The following ALG14 variants were observed in gnomAD, a reference collection of about 807,000 sequenced individuals.
The protein encoded by ALG14 is ALG14 UDP-N-acetylglucosaminyltransferase subunit.
ALG14 carries 17 observed loss-of-function variants against 22.8 expected under a neutral mutation model. The ratio of observed to expected loss-of-function variants is 0.75; its 90% confidence interval spans 0.51 to 1.12. The LOEUF is 1.12. Ranked by LOEUF, ALG14 falls within the 50% of genes most tolerant of loss-of-function variation. The probability of loss-of-function intolerance (pLI) is 0.00; values close to 1 mark genes in which losing one functional copy is unlikely to be tolerated. For synonymous variants in ALG14, 89 were observed against 103.7 expected, an observed-to-expected ratio of 0.86 and a Z score of 0.86; for missense variants, 288 against 271.8, an observed-to-expected ratio of 1.06 and a Z score of -0.42.
chr1:95,054,457 A>G (rs1382535301), intron 2 of ALG14, among the ~76,000 whole-genome samples: 1 of 144,882 alleles, frequency 6.9e-6, no homozygotes, highest in Non-Finnish European at 1.5e-5. Flanking sequence ...AAAAGCTGCT[A>G]TGCTTCTTGT....
intron 3 of ALG14, among the ~76,000 whole-genome samples, chr1:95,004,329 C>G (rs753046319): frequency 9.4e-5 from 14 of 148,344 alleles, no homozygotes; most frequent in Non-Finnish European, 1.8e-4. Context: ...TCACGTGATT[C>G]TCATGACTCA....
Position 95,038,902 on chromosome 1 carries a change from T to C in ALG14, c.289-11642A>G, listed in dbSNP as rs1674293319. Among the ~76,000 whole-genome samples, 3 of 152,082 alleles carry C rather than the reference T, an allele frequency of 2.0e-5. 1 individual carries two copies. In the South Asian group the frequency reaches 6.2e-4, roughly 32 times the overall value. On this transcript the variant is annotated intron_variant, in intron 2 of 3. Transcript: ENST00000370205. ...TCTTGCTGATTTTAAAAAAACTTTTTCTAAAGACGGGGTCTTCCTATGTTG... is the reference window on the plus strand; with the variant it reads ...TCTTGCTGATTTTAAAAAAACTTTTCCTAAAGACGGGGTCTTCCTATGTTG...
chr1:94,999,284 T>TA (rs34508503), intron 3 of ALG14, among the ~76,000 whole-genome samples: 2,226 of 112,442 alleles, frequency 0.02, 25 homozygotes, highest in East Asian at 0.025. Flanking sequence ...TCCACAAAGT[T>TA]AAAAAAAAAA....
At chr1:94,989,144 G>GAC (rs1395367245) in intron 3 of ALG14, among the ~76,000 whole-genome samples, 1 of 152,124 alleles carries the variant, frequency 6.6e-6, no homozygotes, top group Non-Finnish European at 1.5e-5. Context: ...AATTTAGGCT[G>GAC]ACTCCTTTTT....
intron 1 of ALG14, among the ~76,000 whole-genome samples, chr1:95,070,186 C>A (rs1165647104): frequency 6.6e-6 from 1 of 152,184 alleles, no homozygotes; most frequent in African/African-American, 2.4e-5. Flanking sequence ...TCTAGACAGG[C>A]CTTGCTGGGC....
At chr1:94,996,309 G>A (rs1217727006) in intron 3 of ALG14, among the ~76,000 whole-genome samples, 1 of 152,238 alleles carries the variant, frequency 6.6e-6, no homozygotes, top group Non-Finnish European at 1.5e-5. Context: ...GAACAGGGCT[G>A]GCTATGTCCA....
intron 1 of ALG14, among the ~76,000 whole-genome samples, chr1:95,066,473 T>C (rs1675372283): frequency 6.6e-6 from 1 of 152,064 alleles, no homozygotes; most frequent in African/African-American, 2.4e-5. Context: ...ATCCACCCAC[T>C]CGGCCTCCCA....
chr1:95,033,402 C>CAT (rs752147406), intron 2 of ALG14, among the ~76,000 whole-genome samples: 18,562 of 138,314 alleles, frequency 0.13, 1,209 homozygotes, highest in African/African-American at 0.16. Context: ...TACATACATA[C>CAT]ATATATATAT....
chr1:95,039,451 T>C (rs915064149), intron 2 of ALG14, among the ~76,000 whole-genome samples: 3 of 151,692 alleles, frequency 2.0e-5, no homozygotes, highest in Non-Finnish European at 4.4e-5. Flanking sequence ...TGACAAGCAG[T>C]GAGAAGGGAG....
intron 3 of ALG14, among the ~76,000 whole-genome samples, chr1:95,020,834 G>A (rs1026536327): frequency 6.6e-6 from 1 of 151,970 alleles, no homozygotes; most frequent in Non-Finnish European, 1.5e-5. Context: ...AAAATGTTTT[G>A]GAACTCGATG....
At chr1:95,062,872 C>T (rs1277011848) in intron 2 of ALG14, among the ~76,000 whole-genome samples, 1 of 152,220 alleles carries the variant, frequency 6.6e-6, no homozygotes, top group African/African-American at 2.4e-5. Flanking sequence ...GAGGAATCGC[C>T]ACACTATCTT....
intron 1 of ALG14, among the ~76,000 whole-genome samples, chr1:95,069,361 A>G (rs543761831): frequency 6.6e-6 from 1 of 152,354 alleles, no homozygotes; most frequent in African/African-American, 2.4e-5. Flanking sequence ...ACCAAGACTA[A>G]TAACAGTAAC....
At chr1:95,062,921 G>C (rs1019545203) in intron 2 of ALG14, among the ~76,000 whole-genome samples, 4 of 152,172 alleles carry the variant, frequency 2.6e-5, no homozygotes, top group African/African-American at 9.7e-5. Flanking sequence ...CACCAATACT[G>C]TAAAAGCATT....
intron 3 of ALG14, among the ~76,000 whole-genome samples, chr1:94,986,801 T>C (rs1237283651): frequency 3.5e-5 from 5 of 144,670 alleles, no homozygotes; most frequent in Admixed American, 1.4e-4. Flanking sequence ...CCATCCCACA[T>C]CCATCACCTT....
chr1:95,020,867 C>A (rs986461594), intron 3 of ALG14, among the ~76,000 whole-genome samples: 6 of 151,996 alleles, frequency 3.9e-5, no homozygotes, highest in Admixed American at 3.3e-4. Flanking sequence ...GTGGTGGTTG[C>A]ACAGCATAGT....
intron 3 of ALG14, among the ~76,000 whole-genome samples, chr1:95,019,229 A>G (rs1673587395): frequency 6.6e-6 from 1 of 152,248 alleles, no homozygotes; most frequent in African/African-American, 2.4e-5. Flanking sequence ...AAGTTTTGAC[A>G]TTGCAAACAC....
rs1331828030 is a variant in ALG14 at position 94,988,676 on chromosome 1, A to G, written c.421-5370T>C. 2.0e-5 allele frequency among the ~76,000 whole-genome samples: 3 copies of G among 152,330 alleles called. No homozygotes were observed. In the East Asian group the frequency reaches 5.8e-4, roughly 29 times the overall value. On this transcript the variant is annotated intron_variant, in intron 3 of 3. Transcript: ENST00000370205. ...TGAAGGAGGAAATGACCACATAGAA[A>G]AGGGTAAGTTCTTTCAATACCAGGA...
chr1:94,982,768 G>C lies in ALG14; in HGVS notation c.*308C>G. 1 of 193,340 alleles carries C rather than the reference G, an allele frequency of 5.2e-6. No individual in the cohort carries two copies. The highest frequency in any genetic ancestry group is 1.0e-5 in the Non-Finnish European group (1 of 100,448). The allele number at this position is 193,340 out of a possible 1,614,324, so 12.0% of individuals were successfully genotyped here. On this transcript the variant is annotated 3_prime_UTR_variant, in exon 4 of 4. Coordinates refer to ENST00000370205, the MANE Select transcript of ALG14 (RefSeq NM_144988.4). Reference sequence around the variant, plus strand: ...ACTAATCATACAAACTCTATATTTAGTTCTGTAAAAAAAATACTACTAAAA... The same window carrying C: ...ACTAATCATACAAACTCTATATTTACTTCTGTAAAAAAAATACTACTAAAA...
intron 1 of ALG14, among the ~76,000 whole-genome samples, chr1:95,065,739 T>A (rs1675337939): frequency 6.6e-6 from 1 of 152,238 alleles, no homozygotes; most frequent in African/African-American, 2.4e-5. Flanking sequence ...CCCCAGCTCC[T>A]ATGAGAGGTC....
Sources: gnomAD v4.1 joint callset for allele counts (sites outside exome capture counted in the v4.1 genomes callset) on GRCh38, gnomAD v4.1.1 for gene constraint, MANE v1.5 for transcripts, NCBI Gene and HGNC (gene_info 2026-07-23, HGNC 2026-07-21) for gene names.